Variants in DNAH8 observed in about 807,000 individuals in gnomAD.
DNAH8 encodes dynein axonemal heavy chain 8.
In DNAH8, 382 loss-of-function variants were observed where a neutral mutation model predicts 562.1. The ratio of observed to expected loss-of-function variants is 0.68; its 90% CI spans 0.63 to 0.74. The LOEUF (loss-of-function observed/expected upper bound fraction) is 0.74, where lower values mean the gene tolerates loss of function less well. Among genes scored for constraint, DNAH8 ranks in the 30% least tolerant of loss-of-function variants. The probability of loss-of-function intolerance (pLI) is 0.00; values close to 1 mark genes in which losing one functional copy is unlikely to be tolerated. For synonymous variants in DNAH8, 1,881 were observed against 1,919.4 expected (o/e 0.98, Z 0.52); for missense variants, 5,203 against 5,620.4 (o/e 0.93, Z 2.37).
chr6:38,825,614 A>C (rs905146464), intron 28 of DNAH8, among the ~76,000 whole-genome samples: 7 of 152,020 alleles, frequency 4.6e-5, no homozygotes, highest in African/African-American at 1.2e-4. Flanking sequence ...CCTCATTTCA[A>C]ACTCTCAAGA....
chr6:38,948,678 C>T (rs1313932201), intron 80 of DNAH8, among the ~76,000 whole-genome samples: 1 of 152,168 alleles, frequency 6.6e-6, no homozygotes, highest in African/African-American at 2.4e-5. Context: ...AATAACCCAG[C>T]CTGATTGTTG....
At chr6:39,011,700 A>G (rs1361910069) in intron 89 of DNAH8, among the ~76,000 whole-genome samples, 4 of 152,258 alleles carry the variant, frequency 2.6e-5, no homozygotes, top group African/African-American at 9.6e-5. Flanking sequence ...TGATTGGATT[A>G]GGAAAGGCTC....
intron 79 of DNAH8, among the ~76,000 whole-genome samples, chr6:38,943,569 A>C (rs568230545): frequency 2.0e-4 from 31 of 152,338 alleles, no homozygotes; most frequent in Non-Finnish European, 3.8e-4. Context: ...AAAATGTCAG[A>C]ACACTTTGAA....
At chr6:38,738,060 A>T (rs1349616015) in intron 7 of DNAH8, 88 bp downstream of exon 7, 1 of 1,372,862 alleles carries the variant, frequency 7.3e-7, no homozygotes. Context: ...CAAAGGGAAG[A>T]GGTGTCTCCT....
At chr6:39,015,279 A>G (rs1178618905) in intron 91 of DNAH8, among the ~76,000 whole-genome samples, 1 of 152,236 alleles carries the variant, frequency 6.6e-6, no homozygotes, top group Non-Finnish European at 1.5e-5. Context: ...TTCAAAATAT[A>G]ACTTTAAAAA....
chr6:38,851,182 A>C (rs977045850), intron 38 of DNAH8, among the ~76,000 whole-genome samples: 2 of 152,086 alleles, frequency 1.3e-5, no homozygotes, highest in African/African-American at 4.8e-5. Flanking sequence ...GGTTTGTCCA[A>C]GTTTATGCGT....
chr6:38,951,649 T>C (rs897907603), intron 82 of DNAH8, 129 bp downstream of exon 82: 2 of 804,342 alleles, frequency 2.5e-6, no homozygotes, highest in Non-Finnish European at 4.1e-6. Context: ...ATTAAACTTA[T>C]TCCTCTTTCA....
chr6:38,912,958 C>A (rs372201924), intron 66 of DNAH8, among the ~76,000 whole-genome samples: 1 of 152,070 alleles, frequency 6.6e-6, no homozygotes, highest in Non-Finnish European at 1.5e-5. Context: ...TACAGGCATG[C>A]GCCACCATGC....
chr6:38,844,365 T>G lies in DNAH8; in HGVS notation c.4846-1209T>G, dbSNP rs1775105778. ...AAATTATTTTATCCATTATTCTATG[T>G]TTTTGGAGTTGAGAAAATGCACCAT... On this transcript the variant is annotated intron_variant, in intron 35 of 92. Transcript: ENST00000327475. 2.0e-5 allele frequency among the ~76,000 whole-genome samples: 3 copies of G among 152,222 alleles called. 1 individual carries two copies. The highest frequency in any genetic ancestry group is 2.0e-4 in the Admixed American group (3 of 15,284).
intron 4 of DNAH8, among the ~76,000 whole-genome samples, chr6:38,732,067 TA>T (rs1382202839): frequency 6.6e-6 from 1 of 152,186 alleles, no homozygotes; most frequent in Non-Finnish European, 1.5e-5. Flanking sequence ...TATTATCAGT[TA>T]AAAATGTGGT....
chr6:38,910,694 G>T (rs1413520288), intron 65 of DNAH8, among the ~76,000 whole-genome samples: 1 of 151,672 alleles, frequency 6.6e-6, no homozygotes, highest in African/African-American at 2.4e-5. Context: ...TTTTTTATAT[G>T]TTCTTAGGTT....
At chr6:38,911,200 G>A (rs1469294746) in intron 65 of DNAH8, among the ~76,000 whole-genome samples, 1 of 152,206 alleles carries the variant, frequency 6.6e-6, no homozygotes, top group Admixed American at 6.5e-5. Context: ...ACAAAATTCT[G>A]GGAGGGGTAG....
chr6:38,810,156 C>T (rs553044934), intron 24 of DNAH8, among the ~76,000 whole-genome samples: 1 of 152,176 alleles, frequency 6.6e-6, no homozygotes, highest in South Asian at 2.1e-4. Flanking sequence ...GTGTTTTCTT[C>T]TCAACATTCT....
chr6:39,008,853 T>G lies in DNAH8; in HGVS notation c.13254T>G (p.Ile4418Met). The G allele has an allele frequency of 1.2e-6, 2 of 1,608,220 alleles. No homozygotes were observed. Among genetic ancestry groups the G allele is most frequent in the African/African-American group, 1.3e-5 (1 of 74,858 alleles). ...SNTASAVLETITNIQPKESGG... is the reference protein window; with the variant it reads ...SNTASAVLETMTNIQPKESGG... ...CTGCTTCTGCTGTTCTTGAAACAATTACCAACATTCAACCCAAAGAGAGTG... is the reference window on the plus strand; with the variant it reads ...CTGCTTCTGCTGTTCTTGAAACAATGACCAACATTCAACCCAAAGAGAGTG... The change falls in exon 89 of 93, where the codon ATT (isoleucine) becomes ATG (methionine). Residue 4418 changes from isoleucine to methionine, a missense_variant. Transcript: ENST00000327475.
chr6:38,835,406 A>G (rs1260256796), intron 32 of DNAH8, among the ~76,000 whole-genome samples: 1 of 152,122 alleles, frequency 6.6e-6, no homozygotes, highest in Non-Finnish European at 1.5e-5. Context: ...CTAAGCTGCT[A>G]AAATCTGATA....
chr6:38,857,641 C>G lies in DNAH8; in HGVS notation c.5857C>G (p.Leu1953Val). 6.2e-7 allele frequency: 1 copy of G among 1,613,590 alleles called. No individual in the cohort carries two copies. The highest frequency in any genetic ancestry group is 8.5e-7 in the Non-Finnish European group (1 of 1,179,590). Residue 1953 changes from leucine (L) to valine (V), a missense_variant, in exon 42 of 93, where the codon CTC becomes GTC. Physicochemically the swap from Leu to Val is conservative, Grantham distance 32. This residue lies in a region of DNAH8 where 2,176 missense variants were observed against 2,365.1 expected (regional missense o/e 0.92). Transcript: ENST00000327475. ...GAAATTTTTGGATATTCTAAATACT[C>G]TCATTAGTCAGACAACACATGATCT... ...NQKFLDILNT[L>V]ISQTTHDLSK...
intron 89 of DNAH8, among the ~76,000 whole-genome samples, chr6:39,010,350 A>G (rs1766109463): frequency 1.3e-5 from 2 of 152,212 alleles, no homozygotes; most frequent in African/African-American, 4.8e-5. Context: ...AGTAAAAATG[A>G]AGCTACATTA....
intron 21 of DNAH8, among the ~76,000 whole-genome samples, chr6:38,797,024 T>C (rs557367868): frequency 3.0e-4 from 45 of 152,318 alleles, no homozygotes; most frequent in Non-Finnish European, 6.0e-4. Flanking sequence ...ACCAATGGAA[T>C]AGAAAATCAA....
At chr6:38,844,629 C>T (rs532064232) in intron 35 of DNAH8, among the ~76,000 whole-genome samples, 81 of 152,174 alleles carry the variant, frequency 5.3e-4, no homozygotes, top group African/African-American at 1.8e-3. Context: ...TCAAGTAATT[C>T]CAGGCTTCTG....
Sources: allele counts gnomAD v4.1 joint callset (sites outside exome capture counted in the v4.1 genomes callset), GRCh38; gene constraint gnomAD v4.1.1; regional missense constraint gnomAD v4.1.1; transcripts MANE v1.5; gene names NCBI Gene and HGNC (gene_info 2026-07-23, HGNC 2026-07-21).